LTO1: variants seen among roughly 807,000 people sequenced by gnomAD.
LTO1 encodes LTO1 maturation factor of ABCE1.
In LTO1, 18 loss-of-function variants were observed where a neutral mutation model predicts 19.8. The ratio of observed to expected loss-of-function variants is 0.91; its 90% CI spans 0.63 to 1.35. The LOEUF (loss-of-function observed/expected upper bound fraction) is 1.35, where lower values mean the gene tolerates loss of function less well. Ranked by LOEUF, LTO1 falls within the 40% of genes most tolerant of loss-of-function variation. The probability of loss-of-function intolerance (pLI) is 0.00; values close to 1 mark genes in which losing one functional copy is unlikely to be tolerated. For missense variants in LTO1, 175 were observed against 167.9 expected, an observed-to-expected ratio of 1.04 and a Z score of -0.23; for synonymous variants, 59 against 59.6, an observed-to-expected ratio of 0.99 and a Z score of 0.05.
chr11:69,671,703 A>G, intron 3 of LTO1, 46 bp downstream of exon 3: 2 of 1,056,526 alleles, frequency 1.9e-6, no homozygotes, highest in Non-Finnish European at 3.0e-6. Context: ...ATGGAACTAG[A>G]ACTCCTGGTT....
rs201509309 is a variant in LTO1 at position 69,673,171 on chromosome 11, T to C, written c.156+45A>G. The C allele has an allele frequency of 3.5e-5, 35 of 1,013,456 alleles. No homozygotes were observed. The African/African-American group carries it at 3.6e-4, about 10-fold the overall frequency. 62.8% of individuals were successfully genotyped at this position (1,013,456 alleles called of 1,614,324 possible). ...ACTGAATATCGAAATAAATTATAAATTGTAAATGAAGAGGCTTCATCTCCA... is the reference window on the plus strand; with the variant it reads ...ACTGAATATCGAAATAAATTATAAACTGTAAATGAAGAGGCTTCATCTCCA... On this transcript the variant is annotated intron_variant, in intron 2 of 4. Coordinates refer to ENST00000279147, the MANE Select transcript of LTO1 (RefSeq NM_153451.3).
At chr11:69,667,625 C>A (rs372426904) in intron 4 of LTO1, 38 bp from the exon 5 acceptor site, 1 of 1,403,598 alleles carries the variant, frequency 7.1e-7, no homozygotes, top group Non-Finnish European at 1.0e-6. Flanking sequence ...TAATCTTGTG[C>A]ATTTTTACTG....
In LTO1 at chr11:69,670,771, G is replaced by A. The variant is rs571492591; in HGVS notation, c.227+978C>T. ...CGCAGAGCACCAGCTCAGGTCCCGC[G>A]CTTGCTGCTGCCCATGAACAGCAGA... On this transcript the variant is annotated intron_variant, in intron 3 of 4. Coordinates refer to ENST00000279147, the MANE Select transcript of LTO1 (RefSeq NM_153451.3). Among the ~76,000 whole-genome samples, 7 of 152,290 alleles carry A rather than the reference G, an allele frequency of 4.6e-5. No individual in the cohort carries two copies. The South Asian group carries it at 6.2e-4, about 14-fold the overall frequency.
chr11:69,667,294 G>A lies in LTO1; in HGVS notation c.*225C>T, dbSNP rs113294799. On this transcript the variant is annotated 3_prime_UTR_variant, in exon 5 of 5. Transcript: ENST00000279147. ...AATGCACGAGGGCTCTGCCAGGGAC[G>A]GCTTCAGCCCAACAAAGGGCATGTG... The A allele has an allele frequency of 2.6e-5, 15 of 569,114 alleles. No individual in the cohort carries two copies. Among genetic ancestry groups the A allele is most frequent in the African/African-American group, 7.6e-5 (4 of 52,688 alleles). 35.3% of individuals were successfully genotyped at this position (569,114 alleles called of 1,614,324 possible). A position where few individuals can be genotyped will look rare whatever the true frequency, so the allele number is the denominator to read the frequency against.
chr11:69,673,041 G>A (rs1185965956), intron 2 of LTO1, 175 bp downstream of exon 2: 13 of 670,344 alleles, frequency 1.9e-5, no homozygotes, highest in Admixed American at 6.2e-5. Context: ...ACCTCAAGGC[G>A]ATCCACCCAC....
rs568706175 is a variant in LTO1, at chr11:69,667,571, T to C, written c.362A>G (p.Asn121Ser). 18 of 1,610,198 alleles carry C rather than the reference T, an allele frequency of 1.1e-5. No homozygotes were observed. The East Asian group carries it at 2.7e-4, about 24-fold the overall frequency. Residue 121 changes from asparagine (N) to serine (S), a missense_variant, in exon 5 of 5, where the codon AAT becomes AGT. Coordinates refer to ENST00000279147, the MANE Select transcript of LTO1 (RefSeq NM_153451.3). ...GKFKQFCSLLNVQPDFKISAE... is the reference protein window; with the variant it reads ...GKFKQFCSLLSVQPDFKISAE... ...ACTAATTTTAAAGTCTGGCTGAACA[T>C]TGAGTAACGAACAAAACTGAAAACA...
At position 69,667,538 on chromosome 11, in the gene LTO1, C is replaced by T. The variant is rs769732982; in HGVS notation, c.395G>A (p.Gly132Asp). The part of the protein sequence containing the change: ...VQPDFKISAE[G>D]SGLSF ...TCCTCCTCAAAATGAAAGTCCGGAACCTTCTGCACTAATTTTAAAGTCTGG... is the reference window on the plus strand; with the variant it reads ...TCCTCCTCAAAATGAAAGTCCGGAATCTTCTGCACTAATTTTAAAGTCTGG... Residue 132 changes from glycine (G) to aspartate (D), a missense_variant, in exon 5 of 5, where the codon GGT (glycine) becomes GAT (aspartate). By Grantham distance (94) the Gly-to-Asp change is moderately conservative (BLOSUM62 -1). Coordinates refer to ENST00000279147, the MANE Select transcript of LTO1 (RefSeq NM_153451.3). 3 of 1,610,262 alleles carry T rather than the reference C, an allele frequency of 1.9e-6. No individual in the cohort carries two copies. The highest frequency in any genetic ancestry group is 2.6e-6 in the Non-Finnish European group (3 of 1,176,412).
At position 69,673,225 on chromosome 11, in the gene LTO1, G is replaced by A. The variant is rs758920243; in HGVS notation, c.147C>T (p.Ile49=). Residue 49 remains isoleucine, a synonymous_variant, in exon 2 of 5, where the codon ATC becomes ATT. Transcript: ENST00000279147. ...GGGGGTTCCCACTTACCTCAGACCC[G>A]ATTTTGGCTCCATGCAGCGTGCCAT... ...RQHGTLHGAK[I]GSEIGCYQGF... is the part of the protein sequence containing the mutation. The A allele has an allele frequency of 6.6e-5, 105 of 1,599,944 alleles. No individual in the cohort carries two copies. The highest frequency in any genetic ancestry group is 1.7e-4 in the Middle Eastern group (1 of 6,050).
chr11:69,673,102 C>T (rs530872850), intron 2 of LTO1, 114 bp downstream of exon 2: 20 of 766,286 alleles, frequency 2.6e-5, no homozygotes, highest in African/African-American at 1.4e-4. Context: ...CGCGCCCATC[C>T]GGCACTGTGA....
At chr11:69,672,645 G>A (rs1856123891) in intron 2 of LTO1, 1 of 175,186 alleles carries the variant, frequency 5.7e-6, no homozygotes, top group African/African-American at 2.4e-5. Flanking sequence ...ACACTCCCAA[G>A]TAAACTAAGG....
intron 3 of LTO1, among the ~76,000 whole-genome samples, chr11:69,668,722 C>T (rs1856068123): frequency 6.6e-6 from 1 of 150,688 alleles, no homozygotes; most frequent in Non-Finnish European, 1.5e-5. Context: ...CACAGACTTT[C>T]AAGAGGATTA....
Position 69,675,346 on chromosome 11 carries a change from C to T in LTO1, c.-107G>A. The stretch of plus-strand genomic sequence containing the variant: ...TGCTCCGCTTGGGAGGAGACGAGAC[C>T]CACTTCCGGAAGCGGCGGCGCGGGG... On this transcript the variant is annotated 5_prime_UTR_variant, in exon 1 of 5. Coordinates refer to ENST00000279147, the MANE Select transcript of LTO1 (RefSeq NM_153451.3). The T allele has an allele frequency of 2.1e-6, 2 of 947,960 alleles. No homozygotes were observed. Among genetic ancestry groups the T allele is most frequent in the Non-Finnish European group, 3.0e-6 (2 of 661,048 alleles). The allele number at this position is 947,960 out of a possible 1,614,324, so 58.7% of individuals were successfully genotyped here.
rs1407702015 is a variant in LTO1 at position 69,672,906 on chromosome 11, G to A, written c.156+310C>T. The A allele has an allele frequency of 6.3e-5, 24 of 381,722 alleles. No homozygotes were observed. In the Admixed American group the frequency reaches 7.1e-4, roughly 11 times the overall value. 23.6% of individuals were successfully genotyped at this position (381,722 alleles called of 1,614,324 possible). On this transcript the variant is annotated intron_variant, in intron 2 of 4. Transcript: ENST00000279147. ...CAACCTCTGCCTCCCAGGTTCAAGC[G>A]AGTCTCATACCTCAGCCTCCCAAGT...
At position 69,668,015 on chromosome 11, in the gene LTO1, G is replaced by A. The variant is rs1259944426; in HGVS notation, c.228-3C>T. 2.2e-6 allele frequency: 3 copies of A among 1,373,096 alleles called. No individual in the cohort carries two copies. Among genetic ancestry groups the A allele is most frequent in the Non-Finnish European group, 3.1e-6 (3 of 959,838 alleles). 85.1% of individuals were successfully genotyped at this position (1,373,096 alleles called of 1,614,324 possible). On this transcript the variant is annotated splice_region_variant and splice_polypyrimidine_tract_variant and intron_variant, in intron 3 of 4. Transcript: ENST00000279147. ...ATTCTAAGACCTTCATCTTTCTGCT[G>A]TAAAGCACAGAAATACAGACTCTCA...
In LTO1 at chr11:69,673,259, C is replaced by T; in HGVS notation, c.113G>A (p.Gly38Glu). ...TCCATGCAGCGTGCCATGCTGCCTT[C>T]CCTCCATCACACCCAAACTACTGCC... ...EEGSSLGVMEGRQHGTLHGAK... is the reference protein window; with the variant it reads ...EEGSSLGVMEERQHGTLHGAK... The change falls in exon 2 of 5, where the codon GGA (glycine) becomes GAA (glutamate). Residue 38 changes from glycine to glutamate, a missense_variant. Coordinates refer to ENST00000279147, the MANE Select transcript of LTO1 (RefSeq NM_153451.3). 6.2e-7 allele frequency: 1 copy of T among 1,613,842 alleles called. No individual in the cohort carries two copies. The highest frequency in any genetic ancestry group is 8.5e-7 in the Non-Finnish European group (1 of 1,179,712).
chr11:69,671,929 C>T (rs544932613), intron 2 of LTO1, 110 bp from the exon 3 acceptor site: 10 of 726,150 alleles, frequency 1.4e-5, no homozygotes, highest in African/African-American at 5.2e-5. Context: ...GTGCTTCTCA[C>T]ACTATTGTTC....
chr11:69,672,418 GT>G (rs1162512385), intron 2 of LTO1: 1 of 156,982 alleles, frequency 6.4e-6, no homozygotes, highest in Non-Finnish European at 1.4e-5. Flanking sequence ...GTGGTGATCT[GT>G]TTCACAGCAT....
intron 3 of LTO1, chr11:69,668,252 C>G: frequency 4.6e-6 from 2 of 435,202 alleles, no homozygotes; most frequent in Non-Finnish European, 8.4e-6. Flanking sequence ...CGCCTCCATT[C>G]CGACCACGGG....
chr11:69,672,569 A>G (rs1264872628), intron 2 of LTO1: 1 of 156,488 alleles, frequency 6.4e-6, no homozygotes, highest in Non-Finnish European at 1.4e-5. Context: ...ACGTAAACAT[A>G]AATGGAATAT....
Sources: allele counts gnomAD v4.1 joint callset (sites outside exome capture counted in the v4.1 genomes callset), GRCh38; gene constraint gnomAD v4.1.1; transcripts MANE v1.5; gene names NCBI Gene and HGNC (gene_info 2026-07-23, HGNC 2026-07-21).